The following UFSP2 variants were observed in gnomAD, a reference collection of about 807,000 sequenced individuals.
UFSP2 encodes UFM1 specific peptidase 2, also known as ufm1-specific protease 2.
In UFSP2, 43 loss-of-function variants were observed where a neutral mutation model predicts 60.2. The ratio of observed to expected loss-of-function variants is 0.71; its 90% CI spans 0.56 to 0.92. UFSP2 has a LOEUF of 0.92. UFSP2 is among the 40% of genes least tolerant of loss of function. The pLI is 0.00. For missense variants in UFSP2, 520 were observed against 575.0 expected (o/e 0.90, Z 0.98); for synonymous variants, 183 against 195.1 (o/e 0.94, Z 0.52).
intron 7 of UFSP2, among the ~76,000 whole-genome samples, chr4:185,409,824 T>C (rs1475367315): frequency 2.6e-5 from 4 of 152,030 alleles, no homozygotes; most frequent in East Asian, 1.9e-4. Flanking sequence ...GAGAGGGGCA[T>C]AGGAGGAGAA....
intron 1 of UFSP2, among the ~76,000 whole-genome samples, chr4:185,422,828 C>G (rs1340282204): frequency 6.6e-6 from 1 of 152,212 alleles, no homozygotes; most frequent in Non-Finnish European, 1.5e-5. Context: ...CCCAGAGATT[C>G]TGATTAACTG....
At chr4:185,415,412 G>C in intron 5 of UFSP2, 65 bp from the exon 6 acceptor site, 1 of 1,360,660 alleles carries the variant, frequency 7.3e-7, no homozygotes, top group Non-Finnish European at 9.9e-7. Context: ...GAAAAGTACA[G>C]AGCTAATATA....
At chr4:185,417,354 C>T (rs2095540527) in intron 4 of UFSP2, among the ~76,000 whole-genome samples, 1 of 152,198 alleles carries the variant, frequency 6.6e-6, no homozygotes. Flanking sequence ...CATTCTACAT[C>T]TGTAAATCTA....
At chr4:185,419,709 T>C (rs1992581) in intron 2 of UFSP2, among the ~76,000 whole-genome samples, 137,188 of 152,306 alleles carry the variant, frequency 0.9, 61,904 homozygotes, top group East Asian at 0.99. Flanking sequence ...TTCTTTCACT[T>C]AGCTTAATGT....
At chr4:185,406,278 CA>C (rs754703754) in intron 9 of UFSP2, 9 of 229,794 alleles carry the variant, frequency 3.9e-5, no homozygotes, top group African/African-American at 1.6e-4. Flanking sequence ...AATTGGGACC[CA>C]AAACGCTGAC....
chr4:185,408,543 T>C, intron 7 of UFSP2, 108 bp from the exon 8 acceptor site: 1 of 1,144,258 alleles, frequency 8.7e-7, no homozygotes, highest in African/African-American at 1.6e-5. Flanking sequence ...ACTGTTACTT[T>C]AGTTCCTTAT....
intron 1 of UFSP2, among the ~76,000 whole-genome samples, chr4:185,424,732 G>A (rs2095556055): frequency 2.6e-5 from 4 of 152,192 alleles, no homozygotes; most frequent in Admixed American, 2.6e-4. Flanking sequence ...GAAGATAAAA[G>A]TTAGACAGGA....
At chr4:185,418,380 TCA>T (rs1293894096) in intron 4 of UFSP2, 59 bp downstream of exon 4, 1 of 1,288,420 alleles carries the variant, frequency 7.8e-7, no homozygotes, top group African/African-American at 1.5e-5. Flanking sequence ...AAGATTGCAC[TCA>T]GTTCCAAATC....
At chr4:185,400,507 C>T (rs970789449) in intron 11 of UFSP2, 29 bp from the exon 12 acceptor site, 2 of 1,555,596 alleles carry the variant, frequency 1.3e-6, no homozygotes, top group Non-Finnish European at 1.8e-6. Flanking sequence ...AAAGGAAAGC[C>T]TTTTACAAAG....
At chr4:185,408,105 A>C (rs951209183) in intron 8 of UFSP2, 45 bp from the exon 9 acceptor site, 1 of 1,595,644 alleles carries the variant, frequency 6.3e-7, no homozygotes, top group African/African-American at 1.3e-5. Flanking sequence ...CAAGACAGCT[A>C]TTAAAAACGA....
chr4:185,422,512 A>T lies in UFSP2; in HGVS notation c.55T>A (p.Leu19Met). 1 of 1,611,622 alleles carries T rather than the reference A, an allele frequency of 6.2e-7. No individual in the cohort carries two copies. The highest frequency in any genetic ancestry group is 1.1e-5 in the South Asian group (1 of 90,554). ...TTAGGAGTAGCTAGCTGAAAAGCCA[A>T]ATCAAGGCCTCCTCTTATTCTGAAG... is the stretch of plus-strand genomic sequence containing the variant. ...ILFRIRGGLD[L>M]AFQLATPNEI... is the part of the protein sequence containing the mutation. The change falls in exon 2 of 12, where the codon TTG (leucine) becomes ATG (methionine). Residue 19 changes from leucine (L) to methionine (M), a missense_variant. Coordinates refer to ENST00000264689, the MANE Select transcript of UFSP2 (RefSeq NM_018359.5).
At chr4:185,408,786 A>G (rs886996254) in intron 7 of UFSP2, among the ~76,000 whole-genome samples, 15 of 152,052 alleles carry the variant, frequency 9.9e-5, no homozygotes, top group African/African-American at 3.6e-4. Flanking sequence ...TCCCAAATTA[A>G]TTGTACAGCT....
In UFSP2 at chr4:185,399,669, A is replaced by G. The variant is rs2095510703; in HGVS notation, c.*723T>C. ...TTACAACAATTAAATGTATGCAGAC[A>G]ATAAAAGCAAGTGAACACCCTGACA... is the stretch of plus-strand genomic sequence containing the variant. On this transcript the variant is annotated 3_prime_UTR_variant, in exon 12 of 12. Transcript: ENST00000264689. 6.2e-7 allele frequency: 1 copy of G among 1,614,214 alleles called. No homozygotes were observed. The highest frequency in any genetic ancestry group is 2.2e-5 in the East Asian group (1 of 44,882).
In UFSP2 at chr4:185,424,104, C is replaced by A. The variant is rs577508403; in HGVS notation, c.4-1541G>T. ...TCACTTTGAGCCCAGGAGTTAGAGA[C>A]CAGACTGGGCAACATAGGAAGACCC... On this transcript the variant is annotated intron_variant, in intron 1 of 11. Coordinates refer to ENST00000264689, the MANE Select transcript of UFSP2 (RefSeq NM_018359.5). Among the ~76,000 whole-genome samples, 13 of 150,346 alleles carry A rather than the reference C, an allele frequency of 8.6e-5. No individual in the cohort carries two copies. The South Asian group carries it at 2.7e-3, about 32-fold the overall frequency.
intron 1 of UFSP2, among the ~76,000 whole-genome samples, 172 bp from the exon 2 acceptor site, chr4:185,422,735 A>G (rs1402050181): frequency 6.6e-6 from 1 of 152,214 alleles, no homozygotes; most frequent in Non-Finnish European, 1.5e-5. Context: ...AGCAACCCCA[A>G]AATTTTAAAT....
intron 9 of UFSP2, among the ~76,000 whole-genome samples, chr4:185,406,740 T>C (rs867043503): frequency 6.6e-6 from 1 of 151,906 alleles, no homozygotes; most frequent in African/African-American, 2.4e-5. Context: ...CATGCCCGGC[T>C]CATTTTTATA....
At chr4:185,424,224 T>C (rs1378453091) in intron 1 of UFSP2, among the ~76,000 whole-genome samples, 1 of 151,844 alleles carries the variant, frequency 6.6e-6, no homozygotes, top group African/African-American at 2.4e-5. Flanking sequence ...GAGGACTGCT[T>C]GGGCCGGGGA....
intron 2 of UFSP2, 82 bp downstream of exon 2, chr4:185,422,399 TCTCA>T: frequency 2.1e-6 from 2 of 959,410 alleles, no homozygotes; most frequent in Non-Finnish European, 3.2e-6. Context: ...CCTATCTCTC[TCTCA>T]GTTTCATTTG....
rs144118224 is a variant in UFSP2 at position 185,405,952 on chromosome 4, G to A, written c.1122-96C>T. On this transcript the variant is annotated intron_variant, in intron 9 of 11. Coordinates refer to ENST00000264689, the MANE Select transcript of UFSP2 (RefSeq NM_018359.5). ...ATGTTTCCTACTTTCTTGTTTTTTC[G>A]GGTGTTACTGAAAAAATATATAAAT... The A allele has an allele frequency of 1.9e-3, 2,942 of 1,589,548 alleles. 53 individuals are homozygous for A. In the African/African-American group the frequency reaches 0.035, roughly 19 times the overall value.
Sources: allele counts gnomAD v4.1 joint callset (sites outside exome capture counted in the v4.1 genomes callset), GRCh38; gene constraint gnomAD v4.1.1; transcripts MANE v1.5; gene names NCBI Gene and HGNC (gene_info 2026-07-23, HGNC 2026-07-21).